Variants in RPH3A observed in about 807,000 individuals in gnomAD.
The protein encoded by RPH3A is rabphilin 3A, also known as rabphilin-3A.
A neutral mutation model predicts 102.2 loss-of-function variants in RPH3A; 48 were observed. That is an observed-to-expected ratio of 0.47 (90% CI 0.37 to 0.60). The LOEUF (loss-of-function observed/expected upper bound fraction) is 0.60, where lower values mean the gene tolerates loss of function less well. Among genes scored for constraint, RPH3A ranks in the 20% least tolerant of loss-of-function variants. RPH3A has a pLI of 0.00. For missense variants in RPH3A, 781 were observed against 910.1 expected (o/e 0.86, Z 1.83); for synonymous variants, 310 against 324.3 (o/e 0.96, Z 0.47).
intron 1 of RPH3A, among the ~76,000 whole-genome samples, chr12:112,720,904 G>A (rs1428234675): frequency 6.6e-6 from 1 of 152,176 alleles, no homozygotes; most frequent in Non-Finnish European, 1.5e-5. Context: ...TGAAGAATTG[G>A]AGCAATGTTT....
rs757648559 is a variant in RPH3A, at chr12:112,868,440, G to T, written c.455G>T (p.Arg152Leu). 2 of 1,614,110 alleles carry T rather than the reference G, an allele frequency of 1.2e-6. No homozygotes were observed. Among genetic ancestry groups the T allele is most frequent in the Non-Finnish European group, 1.7e-6 (2 of 1,179,992 alleles). Residue 152 changes from arginine to leucine, a missense_variant, in exon 8 of 22, where the codon CGT becomes CTT. This residue lies in a region of RPH3A where 730 missense variants were observed against 810.0 expected (regional missense o/e 0.90). Coordinates refer to ENST00000389385, the MANE Select transcript of RPH3A (RefSeq NM_001143854.2). ...TCTCTCCTCCCCAAGGTGTGGAAGCGTTCTGGAGCGTGGTTCTTCAAAGGC... is the reference window on the plus strand; with the variant it reads ...TCTCTCCTCCCCAAGGTGTGGAAGCTTTCTGGAGCGTGGTTCTTCAAAGGC... ...ICIEQREVWK[R>L]SGAWFFKGFP...
chr12:112,770,676 A>G (rs1197704850), intron 1 of RPH3A, among the ~76,000 whole-genome samples: 1 of 152,114 alleles, frequency 6.6e-6, no homozygotes. Context: ...AACAAGTTAA[A>G]CTTTAAATCA....
At chr12:112,587,366 C>T (rs1160075261) in intron 1 of RPH3A, among the ~76,000 whole-genome samples, 1 of 152,220 alleles carries the variant, frequency 6.6e-6, no homozygotes, top group Non-Finnish European at 1.5e-5. Flanking sequence ...GAAAGTATCA[C>T]ATAGTGATGA....
At chr12:112,802,824 G>C (rs2041381178) in intron 2 of RPH3A, among the ~76,000 whole-genome samples, 1 of 151,648 alleles carries the variant, frequency 6.6e-6, no homozygotes, top group Non-Finnish European at 1.5e-5. Context: ...CACTCCCCAG[G>C]GCCTCTGTCC....
intron 7 of RPH3A, 135 bp from the exon 8 acceptor site, chr12:112,868,295 A>G (rs2042645008): frequency 1.3e-5 from 11 of 836,362 alleles, no homozygotes; most frequent in Non-Finnish European, 2.0e-5. Context: ...AGGGCTCTGT[A>G]GTAATAATAA....
intron 2 of RPH3A, among the ~76,000 whole-genome samples, chr12:112,795,704 A>C (rs2041215214): frequency 6.6e-6 from 1 of 152,096 alleles, no homozygotes; most frequent in African/African-American, 2.4e-5. Context: ...TCTGGAAATA[A>C]ATTTCTTAGG....
At chr12:112,678,062 TG>T (rs1341582077) in intron 1 of RPH3A, among the ~76,000 whole-genome samples, 1 of 151,654 alleles carries the variant, frequency 6.6e-6, no homozygotes, top group East Asian at 1.9e-4. Context: ...CCAGGCATGG[TG>T]GTGCATGCCT....
chr12:112,702,582 C>T (rs1169533685), intron 1 of RPH3A, among the ~76,000 whole-genome samples: 1 of 152,198 alleles, frequency 6.6e-6, no homozygotes, highest in East Asian at 1.9e-4. Context: ...ATGCTCTTTG[C>T]CCTGTGCTGT....
intron 1 of RPH3A, among the ~76,000 whole-genome samples, chr12:112,784,310 G>T (rs937858839): frequency 6.6e-6 from 1 of 152,108 alleles, no homozygotes; most frequent in South Asian, 2.1e-4. Flanking sequence ...TCACCCCCAG[G>T]CAGGTTTTCC....
At chr12:112,758,447 T>A (rs1230642343) in intron 1 of RPH3A, among the ~76,000 whole-genome samples, 1 of 152,200 alleles carries the variant, frequency 6.6e-6, no homozygotes, top group East Asian at 1.9e-4. Flanking sequence ...ATTCCATATG[T>A]GACATCCAGG....
intron 15 of RPH3A, among the ~76,000 whole-genome samples, chr12:112,882,391 T>C (rs2042930202): frequency 6.6e-6 from 1 of 152,090 alleles, no homozygotes; most frequent in South Asian, 2.1e-4. Context: ...TGGCTGGAAA[T>C]GGAAGTGTGC....
chr12:112,776,945 A>G (rs1039893206), intron 1 of RPH3A, among the ~76,000 whole-genome samples: 3 of 147,692 alleles, frequency 2.0e-5, no homozygotes, highest in Non-Finnish European at 3.0e-5. Flanking sequence ...CTAGGCTCAT[A>G]GCACTCTATT....
intron 1 of RPH3A, among the ~76,000 whole-genome samples, chr12:112,626,478 T>TC (rs2039767786): frequency 1.2e-5 from 1 of 83,108 alleles, no homozygotes; most frequent in Non-Finnish European, 2.3e-5. Context: ...TCACTGGCCA[T>TC]CAGAGAAATG....
chr12:112,744,356 G>A (rs193264517), intron 1 of RPH3A, among the ~76,000 whole-genome samples: 5 of 152,140 alleles, frequency 3.3e-5, no homozygotes, highest in Non-Finnish European at 7.4e-5. Flanking sequence ...GATTACATGC[G>A]TGAGCCACCA....
chr12:112,728,937 C>T (rs1026957320), intron 1 of RPH3A, among the ~76,000 whole-genome samples: 7 of 152,106 alleles, frequency 4.6e-5, no homozygotes, highest in African/African-American at 1.7e-4. Flanking sequence ...CAGAGCGCTG[C>T]CTTCCTTTTT....
chr12:112,799,606 C>T (rs111506848), intron 2 of RPH3A, among the ~76,000 whole-genome samples: 7,224 of 152,206 alleles, frequency 0.047, 587 homozygotes, highest in African/African-American at 0.17. Flanking sequence ...ATGGCTCCGG[C>T]ATGGACTATC....
intron 1 of RPH3A, among the ~76,000 whole-genome samples, chr12:112,694,808 G>T (rs531451866): frequency 6.6e-6 from 1 of 152,248 alleles, no homozygotes; most frequent in South Asian, 2.1e-4. Flanking sequence ...TGCCTCATTG[G>T]TAAAACAGGA....
intron 1 of RPH3A, among the ~76,000 whole-genome samples, chr12:112,676,247 C>T (rs2040173431): frequency 6.6e-6 from 1 of 151,934 alleles, no homozygotes; most frequent in Non-Finnish European, 1.5e-5. Context: ...AGACAGGGGT[C>T]CCAGGCTGGG....
intron 1 of RPH3A, among the ~76,000 whole-genome samples, chr12:112,585,563 C>T (rs984840008): frequency 2.4e-4 from 37 of 152,168 alleles, no homozygotes; most frequent in African/African-American, 8.2e-4. Flanking sequence ...GGTGAAACCC[C>T]GTCTCTACTA....
Sources: gnomAD v4.1 joint callset for allele counts (sites outside exome capture counted in the v4.1 genomes callset) on GRCh38, gnomAD v4.1.1 for gene constraint, gnomAD v4.1.1 regional missense constraint, MANE v1.5 for transcripts, NCBI Gene and HGNC (gene_info 2026-07-23, HGNC 2026-07-21) for gene names.